Variants in MTHFS observed in about 807,000 individuals in gnomAD.
MTHFS encodes methenyltetrahydrofolate synthetase.
Under a neutral mutation model 12.7 loss-of-function variants are expected in MTHFS, and 7 were observed. The ratio of observed to expected loss-of-function variants is 0.55; its 90% CI spans 0.31 to 1.03. The LOEUF (loss-of-function observed/expected upper bound fraction) is 1.03, where lower values mean the gene tolerates loss of function less well. MTHFS is among the 50% of genes least tolerant of loss of function. The pLI is 0.05. For synonymous variants in MTHFS, 100 were observed against 97.1 expected (o/e 1.03, Z -0.18); for missense variants, 252 against 258.1 (o/e 0.98, Z 0.16).
intron 2 of MTHFS, among the ~76,000 whole-genome samples, chr15:79,855,460 C>A (rs1487674241): frequency 2.6e-5 from 4 of 152,088 alleles, no homozygotes; most frequent in Non-Finnish European, 5.9e-5. Flanking sequence ...GCAACCTCTG[C>A]TTGTCTGATT....
At chr15:79,874,699 G>A (rs1208449324) in intron 2 of MTHFS, among the ~76,000 whole-genome samples, 1 of 152,140 alleles carries the variant, frequency 6.6e-6, no homozygotes, top group Non-Finnish European at 1.5e-5. Context: ...GATGTCCTGA[G>A]GAGCCTTTGA....
intron 2 of MTHFS, among the ~76,000 whole-genome samples, chr15:79,856,142 TA>T (rs1477474566): frequency 6.6e-6 from 1 of 152,212 alleles, no homozygotes; most frequent in Non-Finnish European, 1.5e-5. Context: ...CAGCAATGCA[TA>T]AGCGTTCCCT....
chr15:79,871,618 C>G (rs1233831973), intron 2 of MTHFS, among the ~76,000 whole-genome samples: 3 of 149,848 alleles, frequency 2.0e-5, no homozygotes, highest in African/African-American at 7.4e-5. Context: ...TGCAGTTTTG[C>G]TGAATAAAAA....
chr15:79,847,749 T>G (rs1425982946), intron 2 of MTHFS, among the ~76,000 whole-genome samples: 1 of 145,040 alleles, frequency 6.9e-6, no homozygotes, highest in Non-Finnish European at 1.5e-5. Flanking sequence ...CATATGAAAA[T>G]ATACTCAACA....
At position 79,858,566 on chromosome 15, in the gene MTHFS, C is replaced by T. The variant is rs1289229446; in HGVS notation, c.380-13124G>A. Among the ~76,000 whole-genome samples, 3 of 152,234 alleles carry T rather than the reference C, an allele frequency of 2.0e-5. No individual in the cohort carries two copies. In the East Asian group the frequency reaches 5.8e-4, roughly 29 times the overall value. On this transcript the variant is annotated intron_variant, in intron 2 of 2. Coordinates refer to ENST00000258874, the MANE Select transcript of MTHFS (RefSeq NM_006441.4). ...ACTTAGATGATCTTCAAATCCCTTCCAATTCAGATAATCCCCTATGTGCCA... is the reference window on the plus strand; with the variant it reads ...ACTTAGATGATCTTCAAATCCCTTCTAATTCAGATAATCCCCTATGTGCCA...
At chr15:79,850,518 T>C (rs956039926) in intron 2 of MTHFS, among the ~76,000 whole-genome samples, 3 of 152,196 alleles carry the variant, frequency 2.0e-5, no homozygotes, top group African/African-American at 7.2e-5. Flanking sequence ...TGTGGCTGTG[T>C]CCTGATAACA....
intron 1 of MTHFS, among the ~76,000 whole-genome samples, chr15:79,895,869 T>A (rs1172265107): frequency 6.6e-6 from 1 of 152,224 alleles, no homozygotes; most frequent in Non-Finnish European, 1.5e-5. Flanking sequence ...CTGGTGTCTC[T>A]GAAGCATGAT....
chr15:79,852,408 T>C (rs759011088), intron 2 of MTHFS, among the ~76,000 whole-genome samples: 1 of 152,228 alleles, frequency 6.6e-6, no homozygotes, highest in Non-Finnish European at 1.5e-5. Context: ...TGCAAATCTA[T>C]AACATACTTA....
chr15:79,889,458 T>TAAAAAA, intron 1 of MTHFS, 104 bp from the exon 2 acceptor site: 1 of 1,100,852 alleles, frequency 9.1e-7, no homozygotes, highest in Non-Finnish European at 1.2e-6. Context: ...TCTTTAAATA[T>TAAAAAA]TAAAAAGAAA....
intron 1 of MTHFS, 143 bp downstream of exon 1, chr15:79,896,729 G>C (rs1448453914): frequency 5.1e-5 from 42 of 819,722 alleles, no homozygotes; most frequent in Non-Finnish European, 5.7e-5. Context: ...TGCGCGCGCC[G>C]GGAGGGGAAA....
intron 2 of MTHFS, among the ~76,000 whole-genome samples, chr15:79,865,182 C>T (rs1171324113): frequency 6.6e-6 from 1 of 152,146 alleles, no homozygotes. Context: ...ATTTCTATTA[C>T]AAGAAAACGA....
chr15:79,872,135 T>C (rs1382556150), intron 2 of MTHFS, among the ~76,000 whole-genome samples: 2 of 145,642 alleles, frequency 1.4e-5, no homozygotes, highest in African/African-American at 5.1e-5. Context: ...AAAATTTAAG[T>C]ATAGCTACTT....
At chr15:79,891,499 TAATC>T (rs2034471264) in intron 1 of MTHFS, among the ~76,000 whole-genome samples, 1 of 151,940 alleles carries the variant, frequency 6.6e-6, no homozygotes, top group Non-Finnish European at 1.5e-5. Context: ...AATTATGAAA[TAATC>T]AATGGAAACT....
chr15:79,896,858 G>A lies in MTHFS; in HGVS notation c.117+14C>T. On this transcript the variant is annotated intron_variant, in intron 1 of 2. Transcript: ENST00000258874. ...GTCTGTCCGCCGCGGCTTCCGCTACGGGCGGCCTCGCACCTTCTGGCTCAG... is the reference window on the plus strand; with the variant it reads ...GTCTGTCCGCCGCGGCTTCCGCTACAGGCGGCCTCGCACCTTCTGGCTCAG... 21 of 1,541,418 alleles carry A rather than the reference G, an allele frequency of 1.4e-5. No individual in the cohort carries two copies. The highest frequency in any genetic ancestry group is 1.7e-5 in the Non-Finnish European group (19 of 1,146,166).
rs146956865 is a variant in MTHFS at position 79,878,943 on chromosome 15, A to G, written c.379+10150T>C. ...AATGGGGAAGGAAGAATGGAATTATATAAGAGCAAAGTTGCTGTATTTTAC... is the reference window on the plus strand; with the variant it reads ...AATGGGGAAGGAAGAATGGAATTATGTAAGAGCAAAGTTGCTGTATTTTAC... On this transcript the variant is annotated intron_variant, in intron 2 of 2. Transcript: ENST00000258874. 4.0e-5 allele frequency among the ~76,000 whole-genome samples: 6 copies of G among 151,232 alleles called. No homozygotes were observed. In the East Asian group the frequency reaches 7.7e-4, roughly 19 times the overall value.
At chr15:79,897,140 C>A (rs1039870792), upstream of MTHFS, 6 of 633,482 alleles carry the variant, frequency 9.5e-6, no homozygotes, top group African/African-American at 7.8e-5. Context: ...GACGCGGGCC[C>A]GCGGCGCGCC....
chr15:79,881,528 A>G (rs1170425287), intron 2 of MTHFS, among the ~76,000 whole-genome samples: 2 of 152,172 alleles, frequency 1.3e-5, no homozygotes, highest in Non-Finnish European at 2.9e-5. Flanking sequence ...GTTATAAATC[A>G]AAGCTGTAGC....
At chr15:79,881,614 C>G (rs2034295853) in intron 2 of MTHFS, among the ~76,000 whole-genome samples, 1 of 151,454 alleles carries the variant, frequency 6.6e-6, no homozygotes, top group African/African-American at 2.4e-5. Context: ...GACCAGAGTA[C>G]TTTTAGATAC....
intron 1 of MTHFS, among the ~76,000 whole-genome samples, chr15:79,892,483 T>C (rs2034491488): frequency 1.3e-5 from 2 of 152,068 alleles, no homozygotes; most frequent in Admixed American, 1.3e-4. Context: ...ATGCTCCAAA[T>C]GGGAACAAAG....
Sources: allele counts gnomAD v4.1 joint callset (sites outside exome capture counted in the v4.1 genomes callset), GRCh38; gene constraint gnomAD v4.1.1; transcripts MANE v1.5; gene names NCBI Gene and HGNC (gene_info 2026-07-23, HGNC 2026-07-21).